Variants in LRFN5 observed in about 807,000 individuals in gnomAD.
LRFN5 encodes the protein leucine rich repeat and fibronectin type III domain containing 5, also known as leucine-rich repeat and fibronectin type-III domain-containing protein 5.
In LRFN5, 24 loss-of-function variants were observed where a neutral mutation model predicts 45.6. That is an observed-to-expected ratio of 0.53 (90% CI 0.38 to 0.74). The LOEUF (loss-of-function observed/expected upper bound fraction) is 0.74, where lower values mean the gene tolerates loss of function less well. Among genes scored for constraint, LRFN5 ranks in the 30% least tolerant of loss-of-function variants. LRFN5 has a pLI of 0.00. For missense variants in LRFN5, 776 were observed against 861.5 expected (o/e 0.90, Z 1.24); for synonymous variants, 340 against 313.8 (o/e 1.08, Z -0.88).
chr14:41,836,460 G>A (rs1362718256), intron 2 of LRFN5, among the ~76,000 whole-genome samples: 1 of 152,074 alleles, frequency 6.6e-6, no homozygotes, highest in Admixed American at 6.6e-5. Context: ...ATATGCATGT[G>A]TACTTATGTG....
chr14:41,856,675 A>ATTATTATTATTTTTTTTTTTTTTTTTT, intron 2 of LRFN5, among the ~76,000 whole-genome samples: 13 of 18,336 alleles, frequency 7.1e-4, no homozygotes, highest in South Asian at 5.1e-3. Context: ...TATTATTATT[A>ATTATTATTATTTTTTTTTTTTTTTTTT]TTTTTTTTTT....
At chr14:41,689,123 T>C (rs1254393275) in intron 1 of LRFN5, among the ~76,000 whole-genome samples, 1 of 151,530 alleles carries the variant, frequency 6.6e-6, no homozygotes, top group African/African-American at 2.4e-5. Context: ...TAATAAATGA[T>C]GATGATAATG....
intron 2 of LRFN5, among the ~76,000 whole-genome samples, chr14:41,846,976 T>G (rs1278069807): frequency 6.6e-6 from 1 of 152,094 alleles, no homozygotes; most frequent in Non-Finnish European, 1.5e-5. Context: ...TCAAGCTTCT[T>G]TTTGCTGTGT....
chr14:41,702,680 A>C (rs1278200096), intron 1 of LRFN5, among the ~76,000 whole-genome samples: 3 of 151,450 alleles, frequency 2.0e-5, no homozygotes, highest in Non-Finnish European at 4.4e-5. Flanking sequence ...GCACAGGCTG[A>C]TCCTGAACAC....
intron 2 of LRFN5, among the ~76,000 whole-genome samples, chr14:41,768,173 T>A (rs376488058): frequency 1.3e-4 from 20 of 152,290 alleles, no homozygotes; most frequent in African/African-American, 4.6e-4. Context: ...GAAATGCATA[T>A]GTTATTAGAA....
chr14:41,842,694 C>A (rs1184016632), intron 2 of LRFN5, among the ~76,000 whole-genome samples: 2 of 152,102 alleles, frequency 1.3e-5, no homozygotes, highest in African/African-American at 4.8e-5. Context: ...GAAGGCTTTT[C>A]TTCAGTGGAT....
At chr14:41,843,265 A>C (rs72668883) in intron 2 of LRFN5, among the ~76,000 whole-genome samples, 1 of 151,596 alleles carries the variant, frequency 6.6e-6, no homozygotes, top group Non-Finnish European at 1.5e-5. Context: ...CTATATTCTA[A>C]ATTTGTTTTG....
chr14:41,702,263 GCT>G (rs1475814249), intron 1 of LRFN5, among the ~76,000 whole-genome samples: 2 of 152,240 alleles, frequency 1.3e-5, no homozygotes, highest in East Asian at 3.9e-4. Flanking sequence ...AAGTTAAGTA[GCT>G]TGCTCAAGGT....
intron 1 of LRFN5, among the ~76,000 whole-genome samples, chr14:41,705,275 C>T (rs1883016902): frequency 6.6e-6 from 1 of 152,090 alleles, no homozygotes; most frequent in Admixed American, 6.6e-5. Flanking sequence ...AACAAAGATA[C>T]TAAAGTGACA....
At chr14:41,876,122 G>A (rs867310336) in intron 2 of LRFN5, among the ~76,000 whole-genome samples, 1 of 152,072 alleles carries the variant, frequency 6.6e-6, no homozygotes, top group African/African-American at 2.4e-5. Flanking sequence ...CTTCACAGGT[G>A]CAGGACAAGA....
chr14:41,886,807 A>G lies in LRFN5; in HGVS notation c.182A>G (p.Asn61Ser). The G allele has an allele frequency of 6.2e-7, 1 of 1,614,076 alleles. No individual in the cohort carries two copies. Among genetic ancestry groups the G allele is most frequent in the Non-Finnish European group, 8.5e-7 (1 of 1,179,992 alleles). Residue 61 changes from asparagine (N) to serine (S), a missense_variant, in exon 3 of 6, where the codon AAT (asparagine) becomes AGT (serine). Asn to Ser is a conservative substitution (Grantham distance 46). This residue lies in a region of LRFN5 where 311 missense variants were observed against 405.1 expected (regional missense o/e 0.77). Transcript: ENST00000298119. ...ACTGTGGAACTGCGGTTGGCAGACAATTTTGTTACAAATATTAAAAGGAAA... is the reference window on the plus strand; with the variant it reads ...ACTGTGGAACTGCGGTTGGCAGACAGTTTTGTTACAAATATTAAAAGGAAA... ...RRTVELRLAD[N>S]FVTNIKRKDF...
chr14:41,734,699 G>T (rs1884349804), intron 1 of LRFN5, among the ~76,000 whole-genome samples: 2 of 151,324 alleles, frequency 1.3e-5, no homozygotes, highest in South Asian at 4.2e-4. Flanking sequence ...TATGCCATTT[G>T]TTCATTACAT....
chr14:41,894,202 C>T, intron 4 of LRFN5: 1 of 985,176 alleles, frequency 1.0e-6, no homozygotes, highest in Non-Finnish European at 1.2e-6. Flanking sequence ...GCTCTGAAAT[C>T]ATGCAACATT....
At chr14:41,781,997 T>G (rs1475558884) in intron 2 of LRFN5, among the ~76,000 whole-genome samples, 1 of 152,132 alleles carries the variant, frequency 6.6e-6, no homozygotes, top group Admixed American at 6.5e-5. Flanking sequence ...TCTCTAAATG[T>G]ATGTTTCTTG....
chr14:41,622,436 C>G (rs150006552), intron 1 of LRFN5, among the ~76,000 whole-genome samples: 44 of 152,112 alleles, frequency 2.9e-4, no homozygotes, highest in African/African-American at 1.1e-3. Context: ...TAAGCTTTGT[C>G]TTACGATCAT....
chr14:41,891,936 C>G lies in LRFN5; in HGVS notation c.2072C>G (p.Thr691Arg). ...CCCGATTCTGTCACAGAGGGGCCCACGTCTAAAAGAGCACATATAAAGCCA... is the reference window on the plus strand; with the variant it reads ...CCCGATTCTGTCACAGAGGGGCCCAGGTCTAAAAGAGCACATATAAAGCCA... ...RPPDSVTEGP[T>R]SKRAHIKPNA... The change falls in exon 4 of 6, where the codon ACG (threonine) becomes AGG (arginine). Residue 691 changes from threonine (T) to arginine (R), a missense_variant. Around this residue, in one of 2 missense-constraint regions of LRFN5, gnomAD observed 465 missense variants for 456.4 expected, o/e 1.02. Transcript: ENST00000298119. 1 of 1,613,548 alleles carries G rather than the reference C, an allele frequency of 6.2e-7. No homozygotes were observed. The highest frequency in any genetic ancestry group is 8.5e-7 in the Non-Finnish European group (1 of 1,179,908).
chr14:41,887,820 A>G lies in LRFN5; in HGVS notation c.1195A>G (p.Thr399Ala). The change falls in exon 3 of 6, where the codon ACT becomes GCT. Residue 399 changes from threonine to alanine, a missense_variant. By Grantham distance (58) the Thr-to-Ala change is moderately conservative (BLOSUM62 0). Coordinates refer to ENST00000298119, the MANE Select transcript of LRFN5 (RefSeq NM_152447.5). This position sits in a 1 kb window ranked among gnomAD's most constrained non-coding sequence, Gnocchi z 4.8. ...EPDPGSSDIS[T>A]STKSGSNTSS... ...TGATCCTGGTTCTTCAGATATCTCA[A>G]CTTCTACCAAGTCAGGTTCTAATAC... The G allele has an allele frequency of 6.2e-7, 1 of 1,613,984 alleles. No homozygotes were observed. Among genetic ancestry groups the G allele is most frequent in the Non-Finnish European group, 8.5e-7 (1 of 1,179,956 alleles).
chr14:41,835,139 T>G (rs1015264390), intron 2 of LRFN5, among the ~76,000 whole-genome samples: 2 of 152,178 alleles, frequency 1.3e-5, no homozygotes, highest in Non-Finnish European at 2.9e-5. Flanking sequence ...AAGTGAGGTG[T>G]AAATTTAAAC....
At chr14:41,745,451 C>A (rs1437629560) in intron 1 of LRFN5, among the ~76,000 whole-genome samples, 3 of 151,942 alleles carry the variant, frequency 2.0e-5, no homozygotes, top group Non-Finnish European at 4.4e-5. Context: ...CATTGAACAA[C>A]CCAACTTTAC....
Sources: gnomAD v4.1 joint callset for allele counts (sites outside exome capture counted in the v4.1 genomes callset) on GRCh38, gnomAD v4.1.1 for gene constraint, gnomAD v4.1.1 regional missense constraint, Gnocchi (gnomAD v3.1) non-coding constraint, MANE v1.5 for transcripts, NCBI Gene and HGNC (gene_info 2026-07-23, HGNC 2026-07-21) for gene names.